The following SCHIP1 variants were observed in gnomAD, a reference collection of about 807,000 sequenced individuals.
SCHIP1 encodes the protein schwannomin interacting protein 1.
A neutral mutation model predicts 29.7 loss-of-function variants in SCHIP1; 8 were observed. The observed-to-expected ratio is 0.27, with a 90% confidence interval of 0.16 to 0.49. The LOEUF (loss-of-function observed/expected upper bound fraction) is 0.49, where lower values mean the gene tolerates loss of function less well. SCHIP1 is among the 20% of genes least tolerant of loss of function. SCHIP1 has a pLI of 0.99. For synonymous variants in SCHIP1, 76 were observed against 94.9 expected (o/e 0.80, Z 1.16); for missense variants, 193 against 294.6 (o/e 0.66, Z 2.52).
At chr3:159,863,630 A>G (rs1025047209) in intron 1 of SCHIP1, among the ~76,000 whole-genome samples, 1 of 152,248 alleles carries the variant, frequency 6.6e-6, no homozygotes, top group African/African-American at 2.4e-5. Flanking sequence ...GAGGAAATAT[A>G]CTAAAATGTT....
At chr3:159,518,006 A>G in the SCHIP1 span, among the ~76,000 whole-genome samples, 1 of 152,166 alleles carries the variant, frequency 6.6e-6, no homozygotes, top group Non-Finnish European at 1.5e-5. Context: ...ATCACTATGG[A>G]AATGGCAAAA....
chr3:159,442,051 G>A, the SCHIP1 span, among the ~76,000 whole-genome samples: 2,681 of 152,212 alleles, frequency 0.018, 85 homozygotes, highest in African/African-American at 0.061. Context: ...ATGGCTATAT[G>A]TTGTGTCCAG....
At chr3:159,778,836 A>G in the SCHIP1 span, among the ~76,000 whole-genome samples, 29 of 152,174 alleles carry the variant, frequency 1.9e-4, no homozygotes, top group African/African-American at 7.0e-4. Context: ...GGGGCAGATA[A>G]AGAGAGAAAT....
intron 2 of SCHIP1, among the ~76,000 whole-genome samples, chr3:159,876,311 G>A (rs1005887922): frequency 5.3e-5 from 8 of 152,184 alleles, no homozygotes; most frequent in African/African-American, 9.7e-5. Flanking sequence ...GCAGTGTAGC[G>A]TGGTGGGTAG....
At chr3:159,504,229 C>T in the SCHIP1 span, among the ~76,000 whole-genome samples, 1 of 152,134 alleles carries the variant, frequency 6.6e-6, no homozygotes, top group Admixed American at 6.6e-5. Context: ...TTATAGGAAA[C>T]ATTAAGTTCA....
chr3:159,860,588 G>A (rs958420469), intron 1 of SCHIP1, among the ~76,000 whole-genome samples: 1 of 152,176 alleles, frequency 6.6e-6, no homozygotes, highest in Non-Finnish European at 1.5e-5. Context: ...AAGTACATCC[G>A]ATAATTTTTA....
At chr3:159,837,151 C>T (rs1743739680), upstream of SCHIP1, among the ~76,000 whole-genome samples, 1 of 151,552 alleles carries the variant, frequency 6.6e-6, no homozygotes. Flanking sequence ...TCTTTGGGAG[C>T]TTATGTAATA....
the SCHIP1 span, among the ~76,000 whole-genome samples, chr3:159,529,533 A>T: frequency 6.6e-6 from 1 of 152,202 alleles, no homozygotes; most frequent in East Asian, 1.9e-4. Flanking sequence ...ACTTTGATGC[A>T]AGCATACAAT....
At chr3:159,549,846 T>G in the SCHIP1 span, among the ~76,000 whole-genome samples, 17,213 of 152,128 alleles carry the variant, frequency 0.11, 981 homozygotes, top group Middle Eastern at 0.13. Flanking sequence ...CTGCTTGTTT[T>G]TGTTCACTCT....
chr3:159,296,112 T>G, the SCHIP1 span, among the ~76,000 whole-genome samples: 32 of 151,844 alleles, frequency 2.1e-4, no homozygotes, highest in Non-Finnish European at 4.1e-4. Context: ...CAACCGAAAT[T>G]TGAGGAGTCA....
chr3:159,381,736 T>C, the SCHIP1 span, among the ~76,000 whole-genome samples: 1 of 152,080 alleles, frequency 6.6e-6, no homozygotes. Flanking sequence ...GCTGGGACTA[T>C]AGGCATGCAC....
At chr3:159,569,657 G>T in the SCHIP1 span, among the ~76,000 whole-genome samples, 1 of 152,150 alleles carries the variant, frequency 6.6e-6, no homozygotes, top group Non-Finnish European at 1.5e-5. Flanking sequence ...ATGGTAGCAT[G>T]ATTTATAATC....
At chr3:159,296,675 C>T in the SCHIP1 span, among the ~76,000 whole-genome samples, 3 of 152,084 alleles carry the variant, frequency 2.0e-5, no homozygotes, top group African/African-American at 7.2e-5. Flanking sequence ...ACTCAGGAGG[C>T]TGAGGCCAAA....
the SCHIP1 span, among the ~76,000 whole-genome samples, chr3:159,586,735 C>G: frequency 2.0e-5 from 3 of 152,020 alleles, no homozygotes; most frequent in African/African-American, 7.2e-5. Flanking sequence ...GAGGATGGTC[C>G]AGGGCTTTTC....
rs1744394617 is a variant in SCHIP1 at position 159,843,001 on chromosome 3, C to CTTCTTTTTTTTTTTTTTTTTTT, written c.30+2789_30+2790insCTTTTTTTTTTTTTTTTTTTTT. 7.8e-5 allele frequency among the ~76,000 whole-genome samples: 5 copies of CTTCTTTTTTTTTTTTTTTTTTT among 63,710 alleles called. 1 individual carries two copies. Among genetic ancestry groups the CTTCTTTTTTTTTTTTTTTTTTT allele is most frequent in the African/African-American group, 2.4e-4 (5 of 21,178 alleles). 41.8% of individuals were successfully genotyped at this position (63,710 alleles called of 152,430 possible). ...TCCAGTTCTATCCCAATATTTCTTT[C>CTTCTTTTTTTTTTTTTTTTTTT]TTTTTTTTTTTTTTTTTTTTTTTTT... On this transcript the variant is annotated intron_variant, in intron 1 of 6. Transcript: ENST00000445224.
chr3:159,828,429 AC>A, the SCHIP1 span, among the ~76,000 whole-genome samples: 3 of 83,686 alleles, frequency 3.6e-5, no homozygotes, highest in Admixed American at 1.5e-4. Context: ...GTATATATAT[AC>A]GTATATATAC....
chr3:159,422,779 C>T, the SCHIP1 span, among the ~76,000 whole-genome samples: 2 of 152,114 alleles, frequency 1.3e-5, no homozygotes, highest in African/African-American at 4.8e-5. Context: ...AGTTAGAGGT[C>T]ACTTATTCTC....
the SCHIP1 span, among the ~76,000 whole-genome samples, chr3:159,826,590 TTTGA>T: frequency 5.3e-5 from 8 of 152,262 alleles, no homozygotes; most frequent in African/African-American, 1.7e-4. Context: ...ATTTTAAAAA[TTTGA>T]TTGAAAGTCA....
the SCHIP1 span, among the ~76,000 whole-genome samples, chr3:159,718,557 C>G: frequency 2.0e-5 from 3 of 152,150 alleles, no homozygotes; most frequent in Non-Finnish European, 4.4e-5. Flanking sequence ...AATCAATGTG[C>G]AAAAATCACA....
Sources: allele counts gnomAD v4.1 joint callset (sites outside exome capture counted in the v4.1 genomes callset), GRCh38; gene constraint gnomAD v4.1.1; transcripts MANE v1.5; gene names NCBI Gene and HGNC (gene_info 2026-07-23, HGNC 2026-07-21).